The following FAM3B variants were observed in gnomAD, a reference collection of about 807,000 sequenced individuals.
FAM3B encodes FAM3 metabolism regulating signaling molecule B.
A neutral mutation model predicts 28.4 loss-of-function variants in FAM3B; 29 were observed. The observed-to-expected ratio is 1.02, with a 90% CI of 0.76 to 1.39. The LOEUF is 1.39. Among genes scored for constraint, FAM3B ranks in the 40% most tolerant of loss-of-function variants. The pLI is 0.00. For synonymous variants in FAM3B, 91 were observed against 103.0 expected (o/e 0.88, Z 0.71); for missense variants, 266 against 293.9 (o/e 0.91, Z 0.69).
intron 6 of FAM3B, among the ~76,000 whole-genome samples, chr21:41,347,308 C>G (rs1225866104): frequency 6.6e-6 from 1 of 152,082 alleles, no homozygotes; most frequent in Non-Finnish European, 1.5e-5. Flanking sequence ...AGTACTAGAA[C>G]CTAAATCAAA....
chr21:41,314,010 AAAAC>A (rs1215718131), upstream of FAM3B, among the ~76,000 whole-genome samples: 1 of 152,222 alleles, frequency 6.6e-6, no homozygotes, highest in East Asian at 1.9e-4. Context: ...AACAAAAACA[AAAAC>A]AAAAACATTC....
intron 1 of FAM3B, among the ~76,000 whole-genome samples, chr21:41,318,835 A>T (rs1447950110): frequency 6.6e-6 from 1 of 152,112 alleles, no homozygotes; most frequent in African/African-American, 2.4e-5. Context: ...AAATCCTCCT[A>T]CCTGTAACCC....
chr21:41,334,488 G>A (rs1482378054), intron 2 of FAM3B, among the ~76,000 whole-genome samples: 1 of 152,206 alleles, frequency 6.6e-6, no homozygotes, highest in Non-Finnish European at 1.5e-5. Flanking sequence ...CCCAGGTATA[G>A]CTCAAGCTGC....
chr21:41,338,868 C>T (rs1489974147), intron 3 of FAM3B, among the ~76,000 whole-genome samples: 17 of 152,212 alleles, frequency 1.1e-4, no homozygotes, highest in Non-Finnish European at 1.5e-5. Context: ...GTGTGGGGCA[C>T]GTGGGGGCAT....
intron 1 of FAM3B, among the ~76,000 whole-genome samples, chr21:41,311,019 A>G (rs1453766395): frequency 6.6e-6 from 1 of 151,524 alleles, no homozygotes; most frequent in African/African-American, 2.4e-5. Context: ...CTCTAAACCT[A>G]GGTTATCTGT....
chr21:41,341,727 A>C (rs904894854), intron 3 of FAM3B, among the ~76,000 whole-genome samples: 2 of 152,186 alleles, frequency 1.3e-5, no homozygotes, highest in African/African-American at 4.8e-5. Context: ...TATCCATTCT[A>C]TTGTTGAATG....
intron 3 of FAM3B, among the ~76,000 whole-genome samples, chr21:41,341,368 C>G (rs1247329984): frequency 6.6e-6 from 1 of 152,168 alleles, no homozygotes; most frequent in Non-Finnish European, 1.5e-5. Flanking sequence ...GTTGTGTAAC[C>G]ACCATCCTGG....
intron 1 of FAM3B, among the ~76,000 whole-genome samples, chr21:41,311,251 A>AAAAAAT (rs1555866518): frequency 2.9e-4 from 10 of 35,066 alleles, no homozygotes; most frequent in African/African-American, 3.6e-4. Context: ...AAAAAAAAAA[A>AAAAAAT]ATATATATAT....
upstream of FAM3B, among the ~76,000 whole-genome samples, chr21:41,314,553 T>C (rs2062259660): frequency 6.6e-6 from 1 of 152,246 alleles, no homozygotes; most frequent in Non-Finnish European, 1.5e-5. Context: ...GATGTTTTAT[T>C]TTAAAAGGAA....
At chr21:41,340,772 C>T (rs188292480) in intron 3 of FAM3B, among the ~76,000 whole-genome samples, 14 of 152,230 alleles carry the variant, frequency 9.2e-5, no homozygotes, top group South Asian at 2.1e-4. Flanking sequence ...TTGAATATTA[C>T]ATGTCCCAAA....
chr21:41,357,138 T>C lies in FAM3B; in HGVS notation c.649T>C (p.Tyr217His), dbSNP rs764767952. The change falls in exon 8 of 8, where the codon TAT (tyrosine) becomes CAT (histidine). Residue 217 changes from tyrosine (Y) to histidine (H), a missense_variant. Transcript: ENST00000357985. ...INHSDAKNNRYSGWPAEIQIE... is the reference protein window; with the variant it reads ...INHSDAKNNRHSGWPAEIQIE... Reference sequence around the variant, plus strand: ...CCACTCTGATGCTAAGAACAACAGATATTCTGGCTGGCCTGCAGAGATCCA... The same window carrying C: ...CCACTCTGATGCTAAGAACAACAGACATTCTGGCTGGCCTGCAGAGATCCA... The C allele has an allele frequency of 3.1e-6, 5 of 1,613,418 alleles. No individual in the cohort carries two copies. The East Asian group carries it at 8.9e-5, about 29-fold the overall frequency.
chr21:41,316,710 C>T, upstream of FAM3B: 1 of 499,006 alleles, frequency 2.0e-6, no homozygotes, highest in Non-Finnish European at 3.2e-6. Flanking sequence ...CCGCCCCGCG[C>T]ACCTGCCGGG....
upstream of FAM3B, among the ~76,000 whole-genome samples, chr21:41,316,222 C>G (rs1339536439): frequency 6.6e-6 from 1 of 152,218 alleles, no homozygotes; most frequent in East Asian, 1.9e-4. Context: ...AAAGGAGGAC[C>G]TGCAGACCCA....
chr21:41,319,774 G>T (rs1601349435), intron 1 of FAM3B: 2 of 152,476 alleles, frequency 1.3e-5, no homozygotes, highest in Non-Finnish European at 2.9e-5. Flanking sequence ...CTGTGCCACA[G>T]CTCGCCCGGT....
rs558608751 is a variant in FAM3B at position 41,348,598 on chromosome 21, T to C, written c.492T>C (p.Asn164=). ...VTYDDGSTRL[N]NDAKNAIEAL... is the part of the protein sequence containing the mutation. Reference sequence around the variant, plus strand: ...TTTTCCCTTTGTCCTGCAGACTGAATAACGATGCCAAGAATGCCATAGAAG... The same window carrying C: ...TTTTCCCTTTGTCCTGCAGACTGAACAACGATGCCAAGAATGCCATAGAAG... The change falls in exon 7 of 8, where the codon AAT becomes AAC. Residue 164 remains asparagine (N), a synonymous_variant. Coordinates refer to ENST00000357985, the MANE Select transcript of FAM3B (RefSeq NM_058186.4). 5.0e-6 allele frequency: 8 copies of C among 1,614,208 alleles called. No homozygotes were observed. Among genetic ancestry groups the C allele is most frequent in the Middle Eastern group, 1.6e-4 (1 of 6,062 alleles).
upstream of FAM3B, among the ~76,000 whole-genome samples, chr21:41,312,028 A>C (rs1006459560): frequency 6.6e-6 from 1 of 152,144 alleles, no homozygotes; most frequent in Admixed American, 6.5e-5. Flanking sequence ...AGACCCATTC[A>C]CTATCATGAG....
At position 41,322,597 on chromosome 21, in the gene FAM3B, G is replaced by A. The variant is rs1271604603; in HGVS notation, c.20-326G>A. 4.2e-6 allele frequency: 3 copies of A among 716,970 alleles called. No homozygotes were observed. The African/African-American group carries it at 5.2e-5, about 13-fold the overall frequency. The allele number at this position is 716,970 out of a possible 1,614,324, so 44.4% of individuals were successfully genotyped here. On this transcript the variant is annotated intron_variant, in intron 1 of 7. Coordinates refer to ENST00000357985, the MANE Select transcript of FAM3B (RefSeq NM_058186.4). ...GCTTTTGTTTTTTCAGGTTCACGTT[G>A]GGCATGCTGGCTCACAAGGTGCTTG... is the stretch of plus-strand genomic sequence containing the variant.
At chr21:41,322,895 C>T in intron 1 of FAM3B, 28 bp from the exon 2 acceptor site, 2 of 1,614,190 alleles carry the variant, frequency 1.2e-6, no homozygotes, top group Non-Finnish European at 1.7e-6. Context: ...AAGTCGTTCA[C>T]AGCAGCTGCT....
chr21:41,333,501 G>C (rs1344249567), intron 2 of FAM3B, among the ~76,000 whole-genome samples: 1 of 152,186 alleles, frequency 6.6e-6, no homozygotes, highest in African/African-American at 2.4e-5. Flanking sequence ...TGATATGCCT[G>C]CTACCCCTTT....
Sources: allele counts gnomAD v4.1 joint callset (sites outside exome capture counted in the v4.1 genomes callset), GRCh38; gene constraint gnomAD v4.1.1; transcripts MANE v1.5; gene names NCBI Gene and HGNC (gene_info 2026-07-23, HGNC 2026-07-21).